TMEM63A: variants seen among roughly 807,000 people sequenced by gnomAD.
The protein encoded by TMEM63A is transmembrane protein 63A, also known as mechanosensitive cation channel TMEM63A.
In TMEM63A, 76 loss-of-function variants were observed where a neutral mutation model predicts 100.6. That is an observed-to-expected ratio of 0.76 (90% CI 0.63 to 0.91). TMEM63A has a LOEUF of 0.91. TMEM63A is among the 40% of genes least tolerant of loss of function. TMEM63A has a pLI of 0.00. For missense variants in TMEM63A, 876 were observed against 1,008.8 expected (o/e 0.87, Z 1.78); for synonymous variants, 401 against 401.1 (o/e 1.00, Z 0.00).
intron 3 of TMEM63A, 25 bp from the exon 4 acceptor site, chr1:225,874,392 A>G (rs902044846): frequency 6.2e-7 from 1 of 1,602,842 alleles, no homozygotes; most frequent in South Asian, 1.1e-5. Flanking sequence ...GAAACCAAGT[A>G]AAAGCATATT....
rs1172266821 is a variant in TMEM63A, at chr1:225,860,933, A to T, written c.1150T>A (p.Ser384Thr). 1.2e-6 allele frequency: 2 copies of T among 1,612,934 alleles called. No individual in the cohort carries two copies. Among genetic ancestry groups the T allele is most frequent in the Admixed American group, 1.7e-5 (1 of 59,834 alleles). Residue 384 changes from serine (S) to threonine (T), a missense_variant, in exon 14 of 25, where the codon TCC (serine) becomes ACC (threonine). Coordinates refer to ENST00000366835, the MANE Select transcript of TMEM63A (RefSeq NM_014698.3). ...SLQCKGEPQP[S>T]SHSRELYTSK... is the part of the protein sequence containing the mutation. Reference sequence around the variant, plus strand: ...GTATAGAGCTCCCTGCTATGGGAGGACGGCTGGGGCTCACCTTTGCACTGA... The same window carrying T: ...GTATAGAGCTCCCTGCTATGGGAGGTCGGCTGGGGCTCACCTTTGCACTGA...
At chr1:225,845,127 T>C (rs1668842353), downstream of TMEM63A, 2 of 1,613,430 alleles carry the variant, frequency 1.2e-6, no homozygotes, top group Admixed American at 1.7e-5. Flanking sequence ...CACCCCTCCG[T>C]CGGCTCTTTC....
At position 225,882,287 on chromosome 1, in the gene TMEM63A, C is replaced by CAGGGGA. The variant is rs1226403217; in HGVS notation, c.-206+16_-206+17insTCCCCT. On this transcript the variant is annotated intron_variant, in intron 1 of 24. Coordinates refer to ENST00000366835, the MANE Select transcript of TMEM63A (RefSeq NM_014698.3). Reference sequence around the variant, plus strand: ...GGAGGGTGCATTGCCCCTCCTCACGCCCCCTGTCCCCTGTACCTGCGGCGG... The same window carrying CAGGGGA: ...GGAGGGTGCATTGCCCCTCCTCACGCAGGGGACCCCTGTCCCCTGTACCTGCGGCGG... 4 of 151,444 alleles carry CAGGGGA rather than the reference C, an allele frequency of 2.6e-5. No homozygotes were observed. The highest frequency in any genetic ancestry group is 9.7e-5 in the African/African-American group (4 of 41,378). The allele number at this position is 151,444 out of a possible 1,614,324, so 9.4% of individuals were successfully genotyped here.
At chr1:225,843,332 A>G (rs1668592887), downstream of TMEM63A, among the ~76,000 whole-genome samples, 1 of 152,196 alleles carries the variant, frequency 6.6e-6, no homozygotes, top group African/African-American at 2.4e-5. Flanking sequence ...GAAAAGCAAT[A>G]AAAATGCAAG....
Position 225,860,940 on chromosome 1 carries a change from G to C in TMEM63A, c.1143C>G (p.Pro381=), listed in dbSNP as rs1244224486. The C allele has an allele frequency of 6.2e-7, 1 of 1,612,862 alleles. No homozygotes were observed. The highest frequency in any genetic ancestry group is 8.5e-7 in the Non-Finnish European group (1 of 1,179,506). The change falls in exon 14 of 25, where the codon CCC becomes CCG. Residue 381 remains proline (P), a synonymous_variant. Transcript: ENST00000366835. ...KCQSLQCKGE[P]QPSSHSRELY... Reference sequence around the variant, plus strand: ...GCTCCCTGCTATGGGAGGACGGCTGGGGCTCACCTTTGCACTGAAGGCTCT... The same window carrying C: ...GCTCCCTGCTATGGGAGGACGGCTGCGGCTCACCTTTGCACTGAAGGCTCT...
intron 14 of TMEM63A, 180 bp downstream of exon 14, chr1:225,860,680 A>C: frequency 1.9e-6 from 1 of 528,326 alleles, no homozygotes; most frequent in Non-Finnish European, 3.0e-6. Flanking sequence ...ACTGGAGGGA[A>C]GGGCTGGGCA....
intron 20 of TMEM63A, 144 bp from the exon 21 acceptor site, chr1:225,850,223 G>A: frequency 1.1e-6 from 1 of 881,622 alleles, no homozygotes; most frequent in Non-Finnish European, 1.7e-6. Context: ...GAGGCATCCT[G>A]CACCTCTGGC....
chr1:225,872,195 A>T, intron 4 of TMEM63A, 142 bp from the exon 5 acceptor site: 1 of 626,116 alleles, frequency 1.6e-6, no homozygotes, highest in South Asian at 2.0e-5. Flanking sequence ...GCTGGGACAA[A>T]ATATAACTCA....
chr1:225,844,331 C>T (rs1668720544), downstream of TMEM63A, among the ~76,000 whole-genome samples: 1 of 152,108 alleles, frequency 6.6e-6, no homozygotes, highest in Non-Finnish European at 1.5e-5. Flanking sequence ...CAGTCTAGTG[C>T]CCTGGGCGCA....
intron 6 of TMEM63A, among the ~76,000 whole-genome samples, chr1:225,869,658 T>TTTCTC (rs1670393589): frequency 8.9e-5 from 2 of 22,556 alleles, no homozygotes; most frequent in Non-Finnish European, 2.8e-4. Flanking sequence ...TCATATTTCT[T>TTTCTC]TTCTTTTCTT....
chr1:225,872,020 G>C lies in TMEM63A; in HGVS notation c.300C>G (p.Ser100=), dbSNP rs769880909. The part of the protein sequence containing the change: ...ESRFQRLSST[S]SSGQQDFENE... ...TTTCAAAGTCTTGTTGACCTGAGGAGGAAGTCGATGACAATCTCTGAAATC... is the reference window on the plus strand; with the variant it reads ...TTTCAAAGTCTTGTTGACCTGAGGACGAAGTCGATGACAATCTCTGAAATC... The change falls in exon 5 of 25, where the codon TCC becomes TCG. Residue 100 remains serine, a synonymous_variant. Coordinates refer to ENST00000366835, the MANE Select transcript of TMEM63A (RefSeq NM_014698.3). The C allele has an allele frequency of 1.9e-6, 3 of 1,613,278 alleles. No homozygotes were observed. The highest frequency in any genetic ancestry group is 2.7e-5 in the African/African-American group (2 of 74,738).
rs1670161138 is a variant in TMEM63A at position 225,865,589 on chromosome 1, C to T, written c.746+308G>A. 6.8e-6 allele frequency: 2 copies of T among 294,894 alleles called. No individual in the cohort carries two copies. The highest frequency in any genetic ancestry group is 1.2e-4 in the South Asian group (2 of 16,864). 18.3% of individuals were successfully genotyped at this position (294,894 alleles called of 1,614,324 possible). A position where few individuals can be genotyped will look rare whatever the true frequency, so the allele number is the denominator to read the frequency against. Reference sequence around the variant, plus strand: ...GTGATGCTAAGAACCCCGGGGTCAACAATTTTTTCCCCCGTATGCTCTCAA... The same window carrying T: ...GTGATGCTAAGAACCCCGGGGTCAATAATTTTTTCCCCCGTATGCTCTCAA... On this transcript the variant is annotated intron_variant, in intron 10 of 24. Transcript: ENST00000366835. The surrounding 1 kb of genome is among the most constrained non-coding windows in gnomAD (Gnocchi z 4.6).
rs1669479730 is a variant in TMEM63A at position 225,853,864 on chromosome 1, G to C, written c.1635-73C>G. ...GGGAGAGGAGGGGCCCCTAGGCTGG[G>C]CAGGAGCAGAAAGCCCCTGGGAGGG... On this transcript the variant is annotated intron_variant, in intron 18 of 24. Coordinates refer to ENST00000366835, the MANE Select transcript of TMEM63A (RefSeq NM_014698.3). The surrounding 1 kb of genome is among the most constrained non-coding windows in gnomAD (Gnocchi z 4.0). 2.8e-6 allele frequency: 4 copies of C among 1,445,354 alleles called. No individual in the cohort carries two copies. In the East Asian group the frequency reaches 9.8e-5, roughly 35 times the overall value. The allele number at this position is 1,445,354 out of a possible 1,614,324, so 89.5% of individuals were successfully genotyped here. A position where few individuals can be genotyped will look rare whatever the true frequency, so the allele number is the denominator to read the frequency against.
At position 225,855,913 on chromosome 1, in the gene TMEM63A, A is replaced by G. The variant is rs138154690; in HGVS notation, c.1599T>C (p.Phe533=). 1 of 1,614,166 alleles carries G rather than the reference A, an allele frequency of 6.2e-7. No individual in the cohort carries two copies. The highest frequency in any genetic ancestry group is 2.2e-5 in the East Asian group (1 of 44,884). The part of the protein sequence containing the change: ...TSLDFFFRWL[F]DKTSSEASIR... ...TGGAGGCCTCCGAGGAAGTTTTGTCAAAGAGCCACCGGAAGAAAAAATCTA... is the reference window on the plus strand; with the variant it reads ...TGGAGGCCTCCGAGGAAGTTTTGTCGAAGAGCCACCGGAAGAAAAAATCTA... The change falls in exon 18 of 25, where the codon TTT becomes TTC. Residue 533 remains phenylalanine, a synonymous_variant. Coordinates refer to ENST00000366835, the MANE Select transcript of TMEM63A (RefSeq NM_014698.3).
At chr1:225,842,536 T>G (rs1668517182), downstream of TMEM63A, 5 of 1,155,624 alleles carry the variant, frequency 4.3e-6, no homozygotes, top group Non-Finnish European at 6.6e-6. Context: ...CTCCTCACCC[T>G]CTTCATCCCC....
At chr1:225,866,358 A>G (rs1010842118) in intron 9 of TMEM63A, 5 of 552,014 alleles carry the variant, frequency 9.1e-6, no homozygotes, top group Non-Finnish European at 1.6e-5. Context: ...TTCTTTACTT[A>G]GCACCAGTAA....
downstream of TMEM63A, chr1:225,845,153 G>A: frequency 6.2e-7 from 1 of 1,614,082 alleles, no homozygotes; most frequent in Non-Finnish European, 8.5e-7. Context: ...CAGGATGAAG[G>A]TCTATGTGCC....
At chr1:225,845,284 TGAG>T, downstream of TMEM63A, 1 of 1,613,238 alleles carries the variant, frequency 6.2e-7, no homozygotes, top group African/African-American at 1.3e-5. Flanking sequence ...TTGCGGCCTT[TGAG>T]GAGCCGGAGC....
In TMEM63A at chr1:225,848,933, A is replaced by G. The variant is rs369581193; in HGVS notation, c.2151T>C (p.Phe717=). The part of the protein sequence containing the change: ...TILVCLAHTC[F]GCFKHLSPLN... The stretch of plus-strand genomic sequence containing the variant: ...GAGGGCTGAGGTGCTTGAAGCATCC[A>G]AAGCAGGTGTGAGCCAGGCAGACCA... The change falls in exon 22 of 25, where the codon TTT becomes TTC. Residue 717 remains phenylalanine (F), a synonymous_variant. Coordinates refer to ENST00000366835, the MANE Select transcript of TMEM63A (RefSeq NM_014698.3). The G allele has an allele frequency of 6.2e-6, 10 of 1,603,576 alleles. No individual in the cohort carries two copies. The East Asian group carries it at 1.8e-4, about 29-fold the overall frequency.
Sources: gnomAD v4.1 joint callset for allele counts (sites outside exome capture counted in the v4.1 genomes callset) on GRCh38, gnomAD v4.1.1 for gene constraint, Gnocchi (gnomAD v3.1) non-coding constraint, MANE v1.5 for transcripts, NCBI Gene and HGNC (gene_info 2026-07-23, HGNC 2026-07-21) for gene names.